Variants in PDE6C observed in about 807,000 individuals in gnomAD.
The protein encoded by PDE6C is phosphodiesterase 6C, also known as cone cGMP-specific 3',5'-cyclic phosphodiesterase subunit alpha'.
PDE6C carries 75 observed loss-of-function variants against 113.1 expected under a neutral mutation model. The observed-to-expected ratio is 0.66, with a 90% CI of 0.55 to 0.80. The LOEUF is 0.80. Among genes scored for constraint, PDE6C ranks in the 30% least tolerant of loss-of-function variants. The pLI, the probability that PDE6C is intolerant of heterozygous loss-of-function variation, is 0.00. For missense variants in PDE6C, 912 were observed against 1,038.6 expected (o/e 0.88, Z 1.67); for synonymous variants, 375 against 363.7 (o/e 1.03, Z -0.35).
At chr10:93,643,729 G>A (rs139071475) in intron 14 of PDE6C, among the ~76,000 whole-genome samples, 11 of 149,654 alleles carry the variant, frequency 7.4e-5, no homozygotes, top group Middle Eastern at 3.4e-3. Flanking sequence ...AATCATTTGT[G>A]AGTCAGCTGC....
Position 93,640,182 on chromosome 10 carries a change from T to C in PDE6C, c.1595T>C (p.Ile532Thr). 1.2e-6 allele frequency: 2 copies of C among 1,613,636 alleles called. No individual in the cohort carries two copies. The highest frequency in any genetic ancestry group is 1.7e-6 in the Non-Finnish European group (2 of 1,179,572). The change falls in exon 12 of 22, where the codon ATA (isoleucine) becomes ACA (threonine). Residue 532 changes from isoleucine to threonine, a missense_variant. Ile to Thr is a moderately conservative substitution (Grantham distance 89). Transcript: ENST00000371447. Reference protein sequence around the residue: ...IKCGIRLFFEINVVEKFKVPV... With the variant: ...IKCGIRLFFETNVVEKFKVPV... ...TGTGGAATACGACTGTTTTTTGAAATAAATGTGGTGGAGAAATTCAAAGTA... is the reference window on the plus strand; with the variant it reads ...TGTGGAATACGACTGTTTTTTGAAACAAATGTGGTGGAGAAATTCAAAGTA...
chr10:93,623,960 G>A (rs1376347039), intron 4 of PDE6C, among the ~76,000 whole-genome samples: 7 of 151,778 alleles, frequency 4.6e-5, no homozygotes, highest in Non-Finnish European at 8.8e-5. Flanking sequence ...TGTAAAATGA[G>A]GACATCTCTC....
rs2058396445 is a variant in PDE6C, at chr10:93,612,589, T to C, written c.-137T>C. On this transcript the variant is annotated 5_prime_UTR_variant, in exon 1 of 22. Coordinates refer to ENST00000371447, the MANE Select transcript of PDE6C (RefSeq NM_006204.4). ...TGAAAGCTCTGCTTTCTGCTTGACC[T>C]TTGGAAGTCCTATGAGGGACCATTT... is the stretch of plus-strand genomic sequence containing the variant. 8.4e-7 allele frequency: 1 copy of C among 1,193,990 alleles called. No homozygotes were observed. Among genetic ancestry groups the C allele is most frequent in the Non-Finnish European group, 1.2e-6 (1 of 815,244 alleles). 74.0% of individuals were successfully genotyped at this position (1,193,990 alleles called of 1,614,324 possible).
At position 93,655,803 on chromosome 10, in the gene PDE6C, C is replaced by T. The variant is rs767703174; in HGVS notation, c.1979C>T (p.Thr660Ile). 6.2e-6 allele frequency: 10 copies of T among 1,610,100 alleles called. No individual in the cohort carries two copies. Among genetic ancestry groups the T allele is most frequent in the Non-Finnish European group, 7.6e-6 (9 of 1,176,488 alleles). ...FQNLNKRQFE[T>I]VIHLFEVAII... ...AACCTAAATAAGCGGCAGTTTGAAACAGTTATTCATTTGTTCGAGGTCGCA... is the reference window on the plus strand; with the variant it reads ...AACCTAAATAAGCGGCAGTTTGAAATAGTTATTCATTTGTTCGAGGTCGCA... Residue 660 changes from threonine to isoleucine, a missense_variant, in exon 16 of 22, where the codon ACA becomes ATA. Coordinates refer to ENST00000371447, the MANE Select transcript of PDE6C (RefSeq NM_006204.4).
intron 8 of PDE6C, 141 bp downstream of exon 8, chr10:93,629,446 G>C (rs552577227): frequency 8.0e-6 from 6 of 749,060 alleles, no homozygotes; most frequent in South Asian, 7.1e-5. Flanking sequence ...CACTCACCCT[G>C]GCTGGGCCAG....
intron 5 of PDE6C, 24 bp downstream of exon 5, chr10:93,625,673 T>C: frequency 6.6e-7 from 1 of 1,511,108 alleles, no homozygotes; most frequent in Non-Finnish European, 9.2e-7. Flanking sequence ...TCTTCCTTGA[T>C]GCCATCTGTG....
chr10:93,632,243 A>G (rs1286664699), intron 8 of PDE6C, among the ~76,000 whole-genome samples: 1 of 152,200 alleles, frequency 6.6e-6, no homozygotes, highest in Non-Finnish European at 1.5e-5. Flanking sequence ...TCTTAAGGCC[A>G]GCTAATTAGC....
chr10:93,620,969 CG>C lies in PDE6C; in HGVS notation c.713del (p.Arg238GlnfsTer35). The C allele has an allele frequency of 6.2e-7, 1 of 1,613,208 alleles. No individual in the cohort carries two copies. Among genetic ancestry groups the C allele is most frequent in the East Asian group, 2.2e-5 (1 of 44,870 alleles). ...HTSYMYNIES[R>X]RSQILMWSAN... is the part of the protein sequence containing the mutation. ...CAGCTACATGTACAATATTGAATCCCGAAGAAGCCAGGTAAAAGGAAGGCAG... is the reference window on the plus strand; with the variant it reads ...CAGCTACATGTACAATATTGAATCCCAAGAAGCCAGGTAAAAGGAAGGCAG... On this transcript the variant is annotated frameshift_variant, in exon 3 of 22. Coordinates refer to ENST00000371447, the MANE Select transcript of PDE6C (RefSeq NM_006204.4). LOFTEE classifies it high-confidence loss of function.
chr10:93,617,898 G>C (rs373589613), intron 1 of PDE6C, among the ~76,000 whole-genome samples: 1 of 152,304 alleles, frequency 6.6e-6, no homozygotes, highest in South Asian at 2.1e-4. Flanking sequence ...TGGATAACAG[G>C]GTGGAAGGGA....
At chr10:93,630,779 C>T (rs2058497559) in intron 8 of PDE6C, among the ~76,000 whole-genome samples, 1 of 152,174 alleles carries the variant, frequency 6.6e-6, no homozygotes, top group African/African-American at 2.4e-5. Flanking sequence ...GAAAGCTGTA[C>T]ACACTTGCTT....
At chr10:93,632,673 T>A (rs1362516210) in intron 8 of PDE6C, among the ~76,000 whole-genome samples, 1 of 152,238 alleles carries the variant, frequency 6.6e-6, no homozygotes, top group Non-Finnish European at 1.5e-5. Flanking sequence ...CTATTACTGA[T>A]TTTGTCCTTG....
chr10:93,660,651 G>A (rs1441923629), intron 18 of PDE6C, among the ~76,000 whole-genome samples: 5 of 152,040 alleles, frequency 3.3e-5, no homozygotes, highest in Admixed American at 6.6e-5. Flanking sequence ...CCTGAACTCC[G>A]TCACCATCAA....
intron 20 of PDE6C, 68 bp downstream of exon 20, chr10:93,662,711 A>C (rs2058671792): frequency 2.4e-6 from 2 of 834,338 alleles, no homozygotes; most frequent in African/African-American, 3.3e-5. Flanking sequence ...TCAAACTGTC[A>C]CCAAAATTTA....
At chr10:93,659,576 A>G (rs996863870) in intron 18 of PDE6C, among the ~76,000 whole-genome samples, 15 of 152,316 alleles carry the variant, frequency 9.8e-5, no homozygotes, top group South Asian at 2.1e-4. Flanking sequence ...AGATGAAGGA[A>G]GAGCAAAGGG....
At chr10:93,624,438 A>G (rs2058462687) in intron 4 of PDE6C, among the ~76,000 whole-genome samples, 2 of 152,126 alleles carry the variant, frequency 1.3e-5, no homozygotes, top group South Asian at 4.1e-4. Flanking sequence ...GGATTTCGCC[A>G]CGTTGGCCAG....
In PDE6C at chr10:93,663,136, A is replaced by G. The variant is rs765346660; in HGVS notation, c.2476A>G (p.Ile826Val). The G allele has an allele frequency of 6.2e-7, 1 of 1,613,826 alleles. No homozygotes were observed. The highest frequency in any genetic ancestry group is 1.7e-5 in the Admixed American group (1 of 59,992). ...TGAGTATGATGCAAAGATGAAGGTC[A>G]TTGAAGAGGAGGCAAAAAAGCAAGA... ...ADEYDAKMKV[I>V]EEEAKKQEGG... Residue 826 changes from isoleucine (I) to valine (V), a missense_variant, in exon 21 of 22, where the codon ATT becomes GTT. Ile to Val is a conservative substitution (Grantham distance 29). Coordinates refer to ENST00000371447, the MANE Select transcript of PDE6C (RefSeq NM_006204.4).
At chr10:93,618,443 G>A (rs1271315103) in intron 1 of PDE6C, among the ~76,000 whole-genome samples, 2 of 152,142 alleles carry the variant, frequency 1.3e-5, no homozygotes, top group Non-Finnish European at 2.9e-5. Flanking sequence ...GTACACTGGG[G>A]CCCAGTTTCA....
intron 8 of PDE6C, among the ~76,000 whole-genome samples, chr10:93,633,236 C>T (rs1222437182): frequency 1.3e-5 from 2 of 152,144 alleles, no homozygotes; most frequent in South Asian, 2.1e-4. Context: ...GAGGCTGAGG[C>T]GGGCGGATCA....
intron 1 of PDE6C, among the ~76,000 whole-genome samples, chr10:93,613,680 G>A (rs1474409893): frequency 6.6e-6 from 1 of 152,194 alleles, no homozygotes; most frequent in Non-Finnish European, 1.5e-5. Context: ...TTTTTGGATG[G>A]ATTTGCTAGT....
Sources: allele counts gnomAD v4.1 joint callset (sites outside exome capture counted in the v4.1 genomes callset), GRCh38; gene constraint gnomAD v4.1.1; transcripts MANE v1.5; gene names NCBI Gene and HGNC (gene_info 2026-07-23, HGNC 2026-07-21).